ITPR1: variants seen among roughly 807,000 people sequenced by gnomAD.
ITPR1 encodes inositol 1,4,5-trisphosphate receptor type 1.
A neutral mutation model predicts 318.4 loss-of-function variants in ITPR1; 96 were observed. The ratio of observed to expected loss-of-function variants is 0.30; its 90% CI spans 0.26 to 0.36. The LOEUF (loss-of-function observed/expected upper bound fraction) is 0.36. Among genes scored for constraint, ITPR1 ranks in the 10% least tolerant of loss-of-function variants. The probability of loss-of-function intolerance (pLI) is 1.00; values close to 1 mark genes in which losing one functional copy is unlikely to be tolerated. For synonymous variants in ITPR1, 1,312 were observed against 1,289.9 expected, an observed-to-expected ratio of 1.02 and a Z score of -0.37; for missense variants, 2,440 against 3,460.2, an observed-to-expected ratio of 0.71 and a Z score of 7.40.
intron 4 of ITPR1, among the ~76,000 whole-genome samples, chr3:4,614,038 G>A (rs1259212425): frequency 6.6e-6 from 1 of 152,164 alleles, no homozygotes; most frequent in African/African-American, 2.4e-5. Context: ...TGAACTTCAT[G>A]TAAGTGGATT....
intron 4 of ITPR1, among the ~76,000 whole-genome samples, chr3:4,582,446 C>T (rs749967715): frequency 2.6e-5 from 4 of 152,122 alleles, no homozygotes; most frequent in Non-Finnish European, 5.9e-5. Flanking sequence ...CTTCTCCCCA[C>T]GCGTCCATGT....
chr3:4,683,415 A>C lies in ITPR1; in HGVS notation c.3191A>C (p.Asp1064Ala). 1 of 1,614,002 alleles carries C rather than the reference A, an allele frequency of 6.2e-7. No homozygotes were observed. Among genetic ancestry groups the C allele is most frequent in the East Asian group, 2.2e-5 (1 of 44,876 alleles). Residue 1064 changes from aspartate to alanine, a missense_variant, in exon 27 of 62, where the codon GAC becomes GCC. Coordinates refer to ENST00000649015, the MANE Select transcript of ITPR1 (RefSeq NM_001378452.1). ...GAGAACACCCCACTGGACTTGGATGACCACGGCGGCAGAACCTTTCTCCGT... is the reference window on the plus strand; with the variant it reads ...GAGAACACCCCACTGGACTTGGATGCCCACGGCGGCAGAACCTTTCTCCGT... ...SEENTPLDLDDHGGRTFLRVL... is the reference protein window; with the variant it reads ...SEENTPLDLDAHGGRTFLRVL...
At chr3:4,777,933 G>A (rs567282597) in intron 48 of ITPR1, among the ~76,000 whole-genome samples, 19 of 152,224 alleles carry the variant, frequency 1.2e-4, no homozygotes, top group Admixed American at 1.2e-3. Context: ...AAATGTGCCT[G>A]CGGGCCTCTG....
chr3:4,713,573 A>G (rs2041540508), intron 39 of ITPR1, among the ~76,000 whole-genome samples: 1 of 152,146 alleles, frequency 6.6e-6, no homozygotes, highest in Non-Finnish European at 1.5e-5. Flanking sequence ...GCCCCTACCC[A>G]TTAGTGCCAA....
At chr3:4,693,397 A>G in intron 32 of ITPR1, 93 bp from the exon 33 acceptor site, 1 of 1,388,320 alleles carries the variant, frequency 7.2e-7, no homozygotes, top group South Asian at 1.3e-5. Context: ...ATAAATGCTA[A>G]CAGAACCTCT....
rs1231741100 is a variant in ITPR1, at chr3:4,711,365, A to G, written c.4992-392A>G. ...GGAACTGTGTGTATTGGCCTCAACC[A>G]TCATCCTCATGAGTTGTTTTTGTTT... On this transcript the variant is annotated intron_variant, in intron 38 of 61. Transcript: ENST00000649015. Among the ~76,000 whole-genome samples the G allele has an allele frequency of 3.3e-5, 5 of 151,966 alleles. No homozygotes were observed. In the South Asian group the frequency reaches 6.2e-4, roughly 19 times the overall value.
At chr3:4,523,202 A>G (rs771779750) in intron 4 of ITPR1, among the ~76,000 whole-genome samples, 2 of 152,116 alleles carry the variant, frequency 1.3e-5, no homozygotes, top group African/African-American at 2.4e-5. Flanking sequence ...ATCTTGTTCT[A>G]TATACGGGCC....
At chr3:4,556,570 A>G (rs1274180319) in intron 4 of ITPR1, among the ~76,000 whole-genome samples, 2 of 150,832 alleles carry the variant, frequency 1.3e-5, no homozygotes, top group African/African-American at 4.9e-5. Context: ...TCCACCAGGT[A>G]GCCTTTCCTG....
intron 4 of ITPR1, among the ~76,000 whole-genome samples, chr3:4,598,208 T>C (rs1190521387): frequency 2.0e-5 from 3 of 152,218 alleles, no homozygotes. Context: ...TGACCTGTCA[T>C]TGGCTTCTGT....
chr3:4,619,328 T>C (rs914871440), intron 4 of ITPR1, among the ~76,000 whole-genome samples: 2 of 152,210 alleles, frequency 1.3e-5, no homozygotes, highest in Non-Finnish European at 2.9e-5. Flanking sequence ...TATATTTCTT[T>C]GATTGTTTCC....
At chr3:4,684,170 G>C in intron 28 of ITPR1, 111 bp from the exon 29 acceptor site, 1 of 742,618 alleles carries the variant, frequency 1.3e-6, no homozygotes. Context: ...CATGACTATT[G>C]TAAAACAGTA....
intron 4 of ITPR1, among the ~76,000 whole-genome samples, chr3:4,559,762 C>G (rs987762744): frequency 5.9e-5 from 9 of 152,154 alleles, no homozygotes; most frequent in African/African-American, 1.9e-4. Context: ...TCCATATAAT[C>G]CACACAAGGA....
chr3:4,744,711 C>T (rs576482287), intron 44 of ITPR1, among the ~76,000 whole-genome samples: 1 of 152,260 alleles, frequency 6.6e-6, no homozygotes, highest in African/African-American at 2.4e-5. Flanking sequence ...AGGGAAAGAA[C>T]CACAGTATTT....
At chr3:4,600,299 T>A (rs563889808) in intron 4 of ITPR1, among the ~76,000 whole-genome samples, 22 of 152,176 alleles carry the variant, frequency 1.4e-4, no homozygotes, top group Non-Finnish European at 2.2e-4. Context: ...ATCCCTCAAG[T>A]TCCCTTGTGA....
At chr3:4,775,199 C>A (rs1042184055) in intron 46 of ITPR1, 43 bp from the exon 47 acceptor site, 1 of 1,372,420 alleles carries the variant, frequency 7.3e-7, no homozygotes, top group African/African-American at 1.4e-5. Context: ...TTCCCTCTTC[C>A]CTCTGCCTTT....
rs148505770 is a variant in ITPR1 at position 4,748,986 on chromosome 3, G to C, written c.5544+13632G>C. On this transcript the variant is annotated intron_variant, in intron 44 of 61. Transcript: ENST00000649015. ...ATTTAGAAGAGAAGGCACAAGGCTA[G>C]TGGGGTTTGGCTGACAGATGGGCTG... is the stretch of plus-strand genomic sequence containing the variant. Among the ~76,000 whole-genome samples, 253 of 152,358 alleles carry C rather than the reference G, an allele frequency of 1.7e-3. 3 individuals are homozygous for C. Among genetic ancestry groups the C allele is most frequent in the South Asian group, 4.3e-3 (21 of 4,828 alleles).
At chr3:4,510,652 A>C (rs1317957216) in intron 2 of ITPR1, among the ~76,000 whole-genome samples, 6 of 152,246 alleles carry the variant, frequency 3.9e-5, no homozygotes, top group Non-Finnish European at 8.8e-5. Flanking sequence ...TCACACACAG[A>C]TCTCTAGAAT....
intron 2 of ITPR1, among the ~76,000 whole-genome samples, chr3:4,497,140 T>C (rs1046451858): frequency 6.6e-5 from 10 of 152,330 alleles, no homozygotes; most frequent in Non-Finnish European, 1.0e-4. Flanking sequence ...AAGTCGGTGA[T>C]GTGAATGACA....
chr3:4,754,061 G>A (rs1255333367), intron 44 of ITPR1, among the ~76,000 whole-genome samples: 2 of 137,848 alleles, frequency 1.5e-5, no homozygotes, highest in Non-Finnish European at 3.2e-5. Context: ...GGGGGGGGTG[G>A]CAAGGATTAT....
Sources: gnomAD v4.1 joint callset for allele counts (sites outside exome capture counted in the v4.1 genomes callset) on GRCh38, gnomAD v4.1.1 for gene constraint, MANE v1.5 for transcripts, NCBI Gene and HGNC (gene_info 2026-07-23, HGNC 2026-07-21) for gene names.